CLNK: variants seen among roughly 807,000 people sequenced by gnomAD.
CLNK encodes cytokine-dependent hematopoietic cell linker.
A neutral mutation model predicts 68.6 loss-of-function variants in CLNK; 74 were observed. The observed-to-expected ratio is 1.08, with a 90% confidence interval of 0.89 to 1.31. The LOEUF (loss-of-function observed/expected upper bound fraction) is 1.31. CLNK is among the 50% of genes most tolerant of loss of function. The probability of loss-of-function intolerance (pLI) is 0.00; values close to 1 mark genes in which losing one functional copy is unlikely to be tolerated. For synonymous variants in CLNK, 198 were observed against 172.2 expected (o/e 1.15, Z -1.17); for missense variants, 553 against 515.3 (o/e 1.07, Z -0.71).
At chr4:10,589,243 T>C (rs1161487786) in intron 3 of CLNK, among the ~76,000 whole-genome samples, 3 of 152,196 alleles carry the variant, frequency 2.0e-5, no homozygotes, top group Admixed American at 6.5e-5. Context: ...ATGAGTTCAG[T>C]AACTTGCCTG....
At chr4:10,704,046 G>T in the CLNK span, among the ~76,000 whole-genome samples, 1 of 152,044 alleles carries the variant, frequency 6.6e-6, no homozygotes, top group African/African-American at 2.4e-5. Context: ...TGGTGGAGGG[G>T]ATCTTATTTA....
At position 10,551,412 on chromosome 4, in the gene CLNK, T is replaced by A. The variant is rs536237552; in HGVS notation, c.445+6995A>T. Reference sequence around the variant, plus strand: ...GGTGTGCACCACCATGCCCGGCTAATTTTTTTGTATATATATATATTTTTT... The same window carrying A: ...GGTGTGCACCACCATGCCCGGCTAAATTTTTTGTATATATATATATTTTTT... On this transcript the variant is annotated intron_variant, in intron 8 of 18. Coordinates refer to ENST00000226951, the MANE Select transcript of CLNK (RefSeq NM_052964.4). Among the ~76,000 whole-genome samples the A allele has an allele frequency of 2.1e-3, 266 of 126,804 alleles. 1 individual carries two copies. The highest frequency in any genetic ancestry group is 5.7e-4 in the Non-Finnish European group (31 of 54,040). 83.2% of individuals were successfully genotyped at this position (126,804 alleles called of 152,430 possible). A position where few individuals can be genotyped will look rare whatever the true frequency, so the allele number is the denominator to read the frequency against.
chr4:10,702,626 C>T, the CLNK span, among the ~76,000 whole-genome samples: 1 of 152,188 alleles, frequency 6.6e-6, no homozygotes, highest in Non-Finnish European at 1.5e-5. Context: ...AAAGAGCATT[C>T]TGGAGGAGGT....
At chr4:10,682,427 C>A (rs548038063) in intron 1 of CLNK, among the ~76,000 whole-genome samples, 2 of 152,152 alleles carry the variant, frequency 1.3e-5, no homozygotes, top group Non-Finnish European at 2.9e-5. Context: ...TACTAGGATT[C>A]AGAAAAGGAT....
At chr4:10,532,334 A>C (rs964819185) in intron 11 of CLNK, 51 bp from the exon 12 acceptor site, 1 of 1,464,488 alleles carries the variant, frequency 6.8e-7, no homozygotes, top group African/African-American at 1.4e-5. Context: ...CATAATGACC[A>C]AGATAAAATC....
intron 8 of CLNK, among the ~76,000 whole-genome samples, chr4:10,545,833 C>A (rs548555779): frequency 6.6e-6 from 1 of 152,274 alleles, no homozygotes; most frequent in South Asian, 2.1e-4. Context: ...TAGCACCACA[C>A]AGATACTGCC....
intron 15 of CLNK, 137 bp downstream of exon 15, chr4:10,520,654 C>G (rs34533651): frequency 6.6e-6 from 4 of 607,580 alleles, no homozygotes; most frequent in Non-Finnish European, 8.9e-6. Flanking sequence ...GTCATAGTAA[C>G]GCAATGGAAA....
At chr4:10,658,142 A>T (rs766383459) in intron 2 of CLNK, among the ~76,000 whole-genome samples, 22 of 152,090 alleles carry the variant, frequency 1.4e-4, no homozygotes, top group Middle Eastern at 3.4e-3. Flanking sequence ...TAGAATAACC[A>T]CTCACTCCTC....
chr4:10,615,709 C>A (rs928578713), intron 2 of CLNK, among the ~76,000 whole-genome samples: 2 of 152,258 alleles, frequency 1.3e-5, no homozygotes, highest in Non-Finnish European at 2.9e-5. Context: ...GTTACTTTAC[C>A]TGTCTTTACA....
chr4:10,510,691 C>G (rs748395713), intron 16 of CLNK, among the ~76,000 whole-genome samples: 2 of 152,206 alleles, frequency 1.3e-5, no homozygotes, highest in South Asian at 2.1e-4. Context: ...TACCTGAAGG[C>G]TTCATCTGTA....
chr4:10,621,161 C>T (rs1025397513), intron 2 of CLNK, among the ~76,000 whole-genome samples: 13 of 152,096 alleles, frequency 8.5e-5, no homozygotes, highest in African/African-American at 3.1e-4. Flanking sequence ...AGGTAAGTGG[C>T]CGCTGCAGGC....
intron 2 of CLNK, among the ~76,000 whole-genome samples, chr4:10,653,910 A>T (rs1352073427): frequency 2.0e-5 from 3 of 152,194 alleles, no homozygotes. Context: ...AACAAAAATT[A>T]CTCATGAGGG....
At chr4:10,534,855 T>C (rs967804605) in intron 11 of CLNK, among the ~76,000 whole-genome samples, 1 of 152,192 alleles carries the variant, frequency 6.6e-6, no homozygotes, top group Non-Finnish European at 1.5e-5. Context: ...ACAATAATAA[T>C]GATGTTTATA....
chr4:10,655,101 GAA>G (rs748148319), intron 2 of CLNK, among the ~76,000 whole-genome samples: 15,680 of 71,936 alleles, frequency 0.22, 935 homozygotes, highest in East Asian at 0.3. Flanking sequence ...ACACCGACTC[GAA>G]AAAAAAAAAA....
rs1228645728 is a variant in CLNK at position 10,624,618 on chromosome 4, T to A, written c.12-26569A>T. On this transcript the variant is annotated intron_variant, in intron 2 of 18. Transcript: ENST00000226951. ...GTTTTTTTTTTTTTTTTTTTTTTTTTAAACTTATTTGATAGCAAATACAGC... is the reference window on the plus strand; with the variant it reads ...GTTTTTTTTTTTTTTTTTTTTTTTTAAAACTTATTTGATAGCAAATACAGC... 5.2e-3 allele frequency among the ~76,000 whole-genome samples: 487 copies of A among 93,072 alleles called. 4 individuals carry two copies. The highest frequency in any genetic ancestry group is 0.018 in the African/African-American group (452 of 25,578). 61.1% of individuals were successfully genotyped at this position (93,072 alleles called of 152,430 possible). A position where few individuals can be genotyped will look rare whatever the true frequency, so the allele number is the denominator to read the frequency against.
chr4:10,620,983 A>G (rs1257348639), intron 2 of CLNK, among the ~76,000 whole-genome samples: 2 of 151,158 alleles, frequency 1.3e-5, no homozygotes, highest in African/African-American at 4.9e-5. Context: ...AGTGGTGGGC[A>G]CCTGTAGTCC....
chr4:10,640,023 C>T (rs906975570), intron 2 of CLNK, among the ~76,000 whole-genome samples: 2 of 152,208 alleles, frequency 1.3e-5, no homozygotes, highest in African/African-American at 4.8e-5. Context: ...GATGGTGGAT[C>T]ATTGTTCTTC....
rs545876481 is a variant in CLNK, at chr4:10,522,142, CA to C, written c.732-1312del. 3.3e-5 allele frequency among the ~76,000 whole-genome samples: 5 copies of C among 151,664 alleles called. No homozygotes were observed. The South Asian group carries it at 1.0e-3, about 32-fold the overall frequency. On this transcript the variant is annotated intron_variant, in intron 14 of 18. Transcript: ENST00000226951. ...GCATGGTGGTGGGCACCTGTAGTCC[CA>C]GCCACTAGGGAGGCTGAGGCAGGAG...
chr4:10,532,009 G>A (rs572964915), intron 12 of CLNK, among the ~76,000 whole-genome samples: 19 of 152,206 alleles, frequency 1.2e-4, no homozygotes, highest in Non-Finnish European at 2.5e-4. Context: ...AACTGGGCAC[G>A]TTCTTCCTAT....
Sources: allele counts gnomAD v4.1 joint callset (sites outside exome capture counted in the v4.1 genomes callset), GRCh38; gene constraint gnomAD v4.1.1; transcripts MANE v1.5; gene names NCBI Gene and HGNC (gene_info 2026-07-23, HGNC 2026-07-21).